The following CPED1 variants were observed in gnomAD, a reference collection of about 807,000 sequenced individuals.
The protein encoded by CPED1 is cadherin-like and PC-esterase domain-containing protein 1.
Under a neutral mutation model 128.2 loss-of-function variants are expected in CPED1, and 114 were observed. That is an observed-to-expected ratio of 0.89 (90% CI 0.76 to 1.04). CPED1 has a LOEUF of 1.04. CPED1 is among the 50% of genes least tolerant of loss of function. CPED1 has a pLI of 0.00. For synonymous variants in CPED1, 462 were observed against 426.7 expected, an observed-to-expected ratio of 1.08 and a Z score of -1.02; for missense variants, 1,211 against 1,207.1, an observed-to-expected ratio of 1.00 and a Z score of -0.05.
chr7:121,019,156 A>AT (rs1211781056), intron 3 of CPED1, among the ~76,000 whole-genome samples: 1 of 152,026 alleles, frequency 6.6e-6, no homozygotes, highest in Non-Finnish European at 1.5e-5. Flanking sequence ...CTACATTAGA[A>AT]TATGGGTGTT....
intron 18 of CPED1, among the ~76,000 whole-genome samples, chr7:121,254,822 T>TA (rs908345409): frequency 6.6e-6 from 1 of 151,520 alleles, no homozygotes; most frequent in Non-Finnish European, 1.5e-5. Context: ...GATAAATTCC[T>TA]AAAAACACAC....
intron 16 of CPED1, among the ~76,000 whole-genome samples, chr7:121,162,475 A>G (rs1454269877): frequency 6.6e-6 from 1 of 152,244 alleles, no homozygotes; most frequent in Admixed American, 6.5e-5. Flanking sequence ...CAATGCACTC[A>G]TACCATAAAT....
At chr7:121,110,392 G>T (rs1795080837) in intron 7 of CPED1, among the ~76,000 whole-genome samples, 1 of 152,150 alleles carries the variant, frequency 6.6e-6, no homozygotes, top group Non-Finnish European at 1.5e-5. Context: ...ATATATCTAA[G>T]AATGAAATGA....
intron 7 of CPED1, among the ~76,000 whole-genome samples, chr7:121,117,005 CACACATATATAT>C (rs1563031908): frequency 6.8e-6 from 1 of 147,924 alleles, no homozygotes; most frequent in Admixed American, 6.8e-5. Context: ...TATATACACA[CACACATATATAT>C]ACACACATTA....
rs187306145 is a variant in CPED1, at chr7:121,198,650, G to T, written c.2056-38064G>T. On this transcript the variant is annotated intron_variant, in intron 16 of 22. Transcript: ENST00000310396. ...CTTACTACTCTCTGAAATTCACTAC[G>T]CCAGAGCCTTCTCTGCAGCTCATGT... 3.8e-4 allele frequency among the ~76,000 whole-genome samples: 58 copies of T among 151,942 alleles called. 1 individual carries two copies. The highest frequency in any genetic ancestry group is 1.4e-3 in the African/African-American group (58 of 41,364).
At chr7:121,131,377 C>T (rs571048476) in intron 12 of CPED1, among the ~76,000 whole-genome samples, 2 of 151,848 alleles carry the variant, frequency 1.3e-5, no homozygotes, top group Non-Finnish European at 2.9e-5. Context: ...TTTTAAATAA[C>T]ATACTTCAGA....
chr7:121,195,124 T>G (rs1206274505), intron 16 of CPED1: 1 of 152,142 alleles, frequency 6.6e-6, no homozygotes, highest in Non-Finnish European at 1.5e-5. Context: ...CATACTAAAG[T>G]CTCCTGTTTT....
intron 5 of CPED1, among the ~76,000 whole-genome samples, chr7:121,091,862 G>A (rs1343685691): frequency 6.6e-6 from 1 of 151,900 alleles, no homozygotes; most frequent in Non-Finnish European, 1.5e-5. Context: ...AATATTTTTG[G>A]AAAAATATTA....
intron 3 of CPED1, among the ~76,000 whole-genome samples, chr7:121,018,745 G>A (rs559060651): frequency 4.0e-5 from 6 of 151,896 alleles, no homozygotes; most frequent in Admixed American, 1.3e-4. Flanking sequence ...CATTGGATCC[G>A]AATTATTTAT....
At chr7:121,269,909 C>T (rs1792200652) in intron 21 of CPED1, among the ~76,000 whole-genome samples, 1 of 152,066 alleles carries the variant, frequency 6.6e-6, no homozygotes, top group Non-Finnish European at 1.5e-5. Flanking sequence ...CCAGCATCTG[C>T]TCTGGTGAGG....
intron 7 of CPED1, among the ~76,000 whole-genome samples, chr7:121,122,857 A>T (rs752638200): frequency 2.6e-5 from 4 of 152,204 alleles, no homozygotes; most frequent in Non-Finnish European, 5.9e-5. Flanking sequence ...CCTCATGGAG[A>T]TAAAATCTTA....
chr7:121,248,346 A>G (rs1299026241), intron 18 of CPED1, among the ~76,000 whole-genome samples: 1 of 152,138 alleles, frequency 6.6e-6, no homozygotes, highest in Non-Finnish European at 1.5e-5. Flanking sequence ...TCACCTAACA[A>G]AAGAAATGCA....
chr7:121,071,675 C>G (rs1793993628), intron 5 of CPED1, among the ~76,000 whole-genome samples: 1 of 152,080 alleles, frequency 6.6e-6, no homozygotes, highest in African/African-American at 2.4e-5. Context: ...GCCACCATGC[C>G]TGGCTCATCC....
intron 2 of CPED1, among the ~76,000 whole-genome samples, chr7:121,009,055 C>T (rs1247638168): frequency 6.6e-6 from 1 of 152,030 alleles, no homozygotes; most frequent in Non-Finnish European, 1.5e-5. Flanking sequence ...CATGCTATGC[C>T]TCCTGACTTA....
At chr7:121,034,898 T>C (rs942360668) in intron 3 of CPED1, among the ~76,000 whole-genome samples, 1 of 152,126 alleles carries the variant, frequency 6.6e-6, no homozygotes, top group African/African-American at 2.4e-5. Context: ...AGAAGCAGTC[T>C]GAAGGGCAGA....
At position 121,252,314 on chromosome 7, in the gene CPED1, C is replaced by G. The variant is rs187483366; in HGVS notation, c.2310+7976C>G. On this transcript the variant is annotated intron_variant, in intron 18 of 22. Transcript: ENST00000310396. ...CTTACCCCTTATACAAAAATTAATT[C>G]AAGATGGATTAAAGACTTACATGTT... 5.5e-3 allele frequency among the ~76,000 whole-genome samples: 838 copies of G among 152,222 alleles called. 3 individuals carry two copies. The highest frequency in any genetic ancestry group is 0.037 in the Middle Eastern group (11 of 294).
intron 5 of CPED1, among the ~76,000 whole-genome samples, chr7:121,095,268 G>A (rs568115348): frequency 1.3e-5 from 2 of 152,138 alleles, no homozygotes; most frequent in Non-Finnish European, 2.9e-5. Context: ...GAGAGCCCTT[G>A]AAGGCTATGC....
intron 21 of CPED1, among the ~76,000 whole-genome samples, chr7:121,270,724 A>T (rs888167909): frequency 1.3e-5 from 2 of 151,908 alleles, no homozygotes; most frequent in Admixed American, 1.3e-4. Flanking sequence ...GTTCTCCTTC[A>T]TTGGTCTATG....
At chr7:121,107,636 C>T (rs536499225) in intron 7 of CPED1, among the ~76,000 whole-genome samples, 1 of 152,094 alleles carries the variant, frequency 6.6e-6, no homozygotes, top group African/African-American at 2.4e-5. Context: ...GTAATTGTCT[C>T]CAAAAATTAA....
Sources: gnomAD v4.1 joint callset for allele counts (sites outside exome capture counted in the v4.1 genomes callset) on GRCh38, gnomAD v4.1.1 for gene constraint, MANE v1.5 for transcripts, NCBI Gene and HGNC (gene_info 2026-07-23, HGNC 2026-07-21) for gene names.